MDGA2: variants seen among roughly 807,000 people sequenced by gnomAD.
MDGA2 encodes MAM domain containing glycosylphosphatidylinositol anchor 2.
In MDGA2, 40 loss-of-function variants were observed where a neutral mutation model predicts 117.8. That is an observed-to-expected ratio of 0.34 (90% CI 0.26 to 0.44). The LOEUF is 0.44. Ranked by LOEUF, MDGA2 falls within the 20% of genes least tolerant of loss-of-function variation. The pLI is 1.00. For missense variants in MDGA2, 1,123 were observed against 1,250.6 expected, an observed-to-expected ratio of 0.90 and a Z score of 1.54; for synonymous variants, 452 against 439.0, an observed-to-expected ratio of 1.03 and a Z score of -0.37.
chr14:46,864,464 GATGT>G (rs1219774622), intron 14 of MDGA2, among the ~76,000 whole-genome samples: 1 of 148,792 alleles, frequency 6.7e-6, no homozygotes, highest in Non-Finnish European at 1.5e-5. Context: ...TCTGTAAAAG[GATGT>G]ACTAGACTCC....
intron 1 of MDGA2, among the ~76,000 whole-genome samples, chr14:47,561,927 T>C (rs1426071419): frequency 1.3e-5 from 2 of 152,352 alleles, no homozygotes; most frequent in Non-Finnish European, 2.9e-5. Flanking sequence ...TTGAGGGTTT[T>C]TAACATGAGG....
Position 47,577,401 on chromosome 14 carries a change from C to T in MDGA2, c.280+97116G>A, listed in dbSNP as rs547003148. On this transcript the variant is annotated intron_variant, in intron 1 of 16. Transcript: ENST00000399232. Reference sequence around the variant, plus strand: ...ACGGGCAAAGACTTCATGATGCAAACGCCAAAAGCAATTGCAATACAAGCC... The same window carrying T: ...ACGGGCAAAGACTTCATGATGCAAATGCCAAAAGCAATTGCAATACAAGCC... Among the ~76,000 whole-genome samples, 13 of 152,174 alleles carry T rather than the reference C, an allele frequency of 8.5e-5. No homozygotes were observed. In the South Asian group the frequency reaches 1.5e-3, roughly 17 times the overall value.
At chr14:47,263,592 T>C (rs1217322929) in intron 2 of MDGA2, among the ~76,000 whole-genome samples, 1 of 152,104 alleles carries the variant, frequency 6.6e-6, no homozygotes. Flanking sequence ...GTGATTGTCA[T>C]ACATGCAAAG....
intron 3 of MDGA2, 125 bp from the exon 4 acceptor site, chr14:47,144,399 T>A: frequency 1.7e-6 from 1 of 597,168 alleles, no homozygotes; most frequent in Admixed American, 3.4e-5. Flanking sequence ...CACTAGGTAC[T>A]CTTTTTTTCA....
At chr14:47,300,897 AG>A (rs1183344677) in intron 2 of MDGA2, among the ~76,000 whole-genome samples, 6 of 152,272 alleles carry the variant, frequency 3.9e-5, no homozygotes, top group African/African-American at 1.4e-4. Context: ...ACGATTCTGA[AG>A]GCCTGAGTGC....
At chr14:46,852,363 G>A (rs1881092734) in intron 15 of MDGA2, among the ~76,000 whole-genome samples, 1 of 142,340 alleles carries the variant, frequency 7.0e-6, no homozygotes. Context: ...CCAATACAAA[G>A]TTTTAGGCCA....
chr14:47,240,016 A>C (rs1264471699), intron 2 of MDGA2, among the ~76,000 whole-genome samples: 2 of 151,778 alleles, frequency 1.3e-5, no homozygotes, highest in Non-Finnish European at 2.9e-5. Context: ...AAAATAATGG[A>C]AGGATAGACA....
chr14:47,359,537 A>G (rs1208098532), intron 1 of MDGA2, among the ~76,000 whole-genome samples: 3 of 152,132 alleles, frequency 2.0e-5, no homozygotes, highest in Non-Finnish European at 2.9e-5. Flanking sequence ...ATAATGCACA[A>G]TGAGGAATGG....
chr14:47,065,585 G>C lies in MDGA2; in HGVS notation c.1196-4007C>G, dbSNP rs183945898. Among the ~76,000 whole-genome samples, 96 of 152,264 alleles carry C rather than the reference G, an allele frequency of 6.3e-4. No individual in the cohort carries two copies. In the South Asian group the frequency reaches 0.011, roughly 17 times the overall value. On this transcript the variant is annotated intron_variant, in intron 6 of 16. Transcript: ENST00000399232. ...GCTGTGAGATTGTATCTTGATTGTA[G>C]TTTTAGATTTAAAATTATAACGTAC...
intron 10 of MDGA2, among the ~76,000 whole-genome samples, chr14:46,887,171 G>GA (rs1051409764): frequency 1.3e-5 from 2 of 151,476 alleles, no homozygotes; most frequent in East Asian, 1.9e-4. Context: ...AGAAAATTAA[G>GA]AAAAAAAATA....
intron 1 of MDGA2, among the ~76,000 whole-genome samples, chr14:47,630,375 T>A (rs537754756): frequency 6.6e-6 from 1 of 152,336 alleles, no homozygotes; most frequent in Admixed American, 6.5e-5. Flanking sequence ...TATGTGTCTA[T>A]GTATGTGTAT....
chr14:47,643,036 T>G lies in MDGA2; in HGVS notation c.280+31481A>C, dbSNP rs1341407424. On this transcript the variant is annotated intron_variant, in intron 1 of 16. Coordinates refer to ENST00000399232, the MANE Select transcript of MDGA2 (RefSeq NM_001113498.3). ...TATGTAAGGCACTTAAAATATCACCTGGCAAATACTAACCACTATGTAAGC... is the reference window on the plus strand; with the variant it reads ...TATGTAAGGCACTTAAAATATCACCGGGCAAATACTAACCACTATGTAAGC... Among the ~76,000 whole-genome samples the G allele has an allele frequency of 2.6e-5, 4 of 152,072 alleles. No homozygotes were observed. The South Asian group carries it at 6.2e-4, about 24-fold the overall frequency.
intron 8 of MDGA2, among the ~76,000 whole-genome samples, chr14:46,963,696 C>G (rs1028563251): frequency 6.6e-6 from 1 of 152,072 alleles, no homozygotes; most frequent in African/African-American, 2.4e-5. Context: ...GTAACTTCTC[C>G]CTTGGTTAAT....
chr14:47,142,585 T>C (rs1882769718), intron 4 of MDGA2, among the ~76,000 whole-genome samples: 1 of 152,244 alleles, frequency 6.6e-6, no homozygotes, highest in Non-Finnish European at 1.5e-5. Flanking sequence ...TAAATCTTAA[T>C]GTCCATATTT....
chr14:47,412,773 T>C (rs1286248823), intron 1 of MDGA2, among the ~76,000 whole-genome samples: 3 of 152,204 alleles, frequency 2.0e-5, no homozygotes, highest in South Asian at 2.1e-4. Context: ...GGTTTTCAGA[T>C]GCTATTGAGG....
intron 1 of MDGA2, among the ~76,000 whole-genome samples, chr14:47,356,037 G>C (rs1052357118): frequency 1.3e-5 from 2 of 152,076 alleles, no homozygotes; most frequent in African/African-American, 4.8e-5. Context: ...GCCTCACCCT[G>C]GACCAGCTCA....
chr14:47,199,203 C>T (rs1353151656), intron 3 of MDGA2, among the ~76,000 whole-genome samples: 1 of 151,874 alleles, frequency 6.6e-6, no homozygotes, highest in African/African-American at 2.4e-5. Flanking sequence ...CTCTCTCTCT[C>T]TATACATATA....
intron 1 of MDGA2, among the ~76,000 whole-genome samples, chr14:47,644,714 T>A (rs1166794284): frequency 1.3e-5 from 2 of 151,960 alleles, no homozygotes; most frequent in African/African-American, 4.8e-5. Context: ...GGATTTTGAA[T>A]GTTCTTATCA....
At position 46,899,984 on chromosome 14, in the gene MDGA2, C is replaced by A. The variant is rs1198918202; in HGVS notation, c.2239-17763G>T. 2.0e-5 allele frequency among the ~76,000 whole-genome samples: 3 copies of A among 151,140 alleles called. No individual in the cohort carries two copies. In the South Asian group the frequency reaches 6.2e-4, roughly 31 times the overall value. ...TATACTTAGAAAAGAAAAAAATAAA[C>A]AAAGTAGTCACTACTTGAAAATACA... On this transcript the variant is annotated intron_variant, in intron 10 of 16. Transcript: ENST00000399232.
Sources: gnomAD v4.1 joint callset for allele counts (sites outside exome capture counted in the v4.1 genomes callset) on GRCh38, gnomAD v4.1.1 for gene constraint, MANE v1.5 for transcripts, NCBI Gene and HGNC (gene_info 2026-07-23, HGNC 2026-07-21) for gene names.